DNER: variants seen among roughly 807,000 people sequenced by gnomAD.
The protein encoded by DNER is delta and Notch-like epidermal growth factor-related receptor.
In DNER, 33 loss-of-function variants were observed where a neutral mutation model predicts 78.2. That is an observed-to-expected ratio of 0.42 (90% CI 0.32 to 0.56). The LOEUF (loss-of-function observed/expected upper bound fraction) is 0.56, where lower values mean the gene tolerates loss of function less well. DNER is among the 20% of genes least tolerant of loss of function. The probability of loss-of-function intolerance (pLI) is 0.11; values close to 1 mark genes in which losing one functional copy is unlikely to be tolerated. For missense variants in DNER, 918 were observed against 975.3 expected (o/e 0.94, Z 0.78); for synonymous variants, 417 against 384.8 (o/e 1.08, Z -0.98).
Position 229,591,832 on chromosome 2 carries a change from G to A in DNER, c.333C>T (p.Ser111=). The part of the protein sequence containing the change: ...NPCHHGNCSS[S]SSSSSDGYLC... ...GGTAGCCATCGCTGCTGCTGCTGCTGCTGCTGCTGCAGTTGCCATGGTGAC... is the reference window on the plus strand; with the variant it reads ...GGTAGCCATCGCTGCTGCTGCTGCTACTGCTGCTGCAGTTGCCATGGTGAC... Residue 111 remains serine, a synonymous_variant, in exon 2 of 13, where the codon AGC becomes AGT. Coordinates refer to ENST00000341772, the MANE Select transcript of DNER (RefSeq NM_139072.4). This position sits in a 1 kb window ranked among gnomAD's most constrained non-coding sequence, Gnocchi z 4.6. 1 of 1,612,292 alleles carries A rather than the reference G, an allele frequency of 6.2e-7. No individual in the cohort carries two copies. The highest frequency in any genetic ancestry group is 2.2e-5 in the East Asian group (1 of 44,814).
intron 6 of DNER, among the ~76,000 whole-genome samples, chr2:229,510,501 T>C (rs1695844313): frequency 1.3e-5 from 2 of 151,932 alleles, no homozygotes; most frequent in African/African-American, 4.8e-5. Context: ...GTGTTGGCAG[T>C]GGGGCTACAG....
chr2:229,444,830 A>C (rs1258691935), intron 8 of DNER, among the ~76,000 whole-genome samples: 2 of 152,172 alleles, frequency 1.3e-5, no homozygotes, highest in Non-Finnish European at 2.9e-5. Flanking sequence ...CAGAGGTTGA[A>C]GCCTGGGCAA....
rs114784692 is a variant in DNER, at chr2:229,599,544, A to G, written c.277-7656T>C. ...GAATCCCTCCTTCCAAGTTATGCCA[A>G]CCAAAAACATTGCTAACATCCCCTG... On this transcript the variant is annotated intron_variant, in intron 1 of 12. Transcript: ENST00000341772. Among the ~76,000 whole-genome samples the G allele has an allele frequency of 4.6e-3, 697 of 152,232 alleles. 5 individuals are homozygous for G. The highest frequency in any genetic ancestry group is 0.016 in the African/African-American group (659 of 41,488).
chr2:229,404,948 T>C (rs1693349690), intron 10 of DNER, among the ~76,000 whole-genome samples: 1 of 151,634 alleles, frequency 6.6e-6, no homozygotes, highest in Non-Finnish European at 1.5e-5. Context: ...AAATATAACA[T>C]ATGGAAAACA....
chr2:229,561,128 C>T (rs1696951403), intron 4 of DNER, among the ~76,000 whole-genome samples: 1 of 152,164 alleles, frequency 6.6e-6, no homozygotes, highest in Admixed American at 6.5e-5. Context: ...TTCACCCACA[C>T]AGAATCTCTC....
chr2:229,590,231 C>T (rs1198161533), intron 2 of DNER, among the ~76,000 whole-genome samples: 1 of 152,092 alleles, frequency 6.6e-6, no homozygotes, highest in African/African-American at 2.4e-5. Flanking sequence ...ATGTCAACTT[C>T]TAGGAGTCTA....
chr2:229,496,791 C>A (rs1695512132), intron 6 of DNER, among the ~76,000 whole-genome samples: 1 of 151,998 alleles, frequency 6.6e-6, no homozygotes, highest in Non-Finnish European at 1.5e-5. Flanking sequence ...ACTTCAGAGC[C>A]CCTACATACA....
intron 5 of DNER, among the ~76,000 whole-genome samples, chr2:229,541,892 T>C (rs995348381): frequency 1.4e-5 from 2 of 147,352 alleles, no homozygotes; most frequent in Non-Finnish European, 3.0e-5. Flanking sequence ...TTTATATGTA[T>C]ATATAAATTA....
intron 8 of DNER, among the ~76,000 whole-genome samples, chr2:229,437,351 C>T (rs1285799806): frequency 1.3e-5 from 2 of 152,206 alleles, no homozygotes; most frequent in Non-Finnish European, 2.9e-5. Context: ...TCTGTAAAAG[C>T]ATTCAGTGAA....
intron 10 of DNER, among the ~76,000 whole-genome samples, chr2:229,389,795 T>C (rs1479837628): frequency 1.3e-5 from 2 of 152,224 alleles, no homozygotes; most frequent in African/African-American, 4.8e-5. Flanking sequence ...TACTATTTTA[T>C]TTTTAAATAA....
chr2:229,664,919 T>A (rs1699063184), intron 1 of DNER, among the ~76,000 whole-genome samples: 1 of 152,108 alleles, frequency 6.6e-6, no homozygotes, highest in Admixed American at 6.6e-5. Context: ...AAGTTACATA[T>A]AATACTTATT....
At chr2:229,413,716 G>A (rs935115273) in intron 9 of DNER, among the ~76,000 whole-genome samples, 1 of 149,732 alleles carries the variant, frequency 6.7e-6, no homozygotes, top group African/African-American at 2.5e-5. Flanking sequence ...ACATAGAGAG[G>A]GTGTTATATA....
At chr2:229,511,040 C>G (rs1574877560) in intron 6 of DNER, among the ~76,000 whole-genome samples, 3 of 152,154 alleles carry the variant, frequency 2.0e-5, no homozygotes, top group Non-Finnish European at 4.4e-5. Context: ...AAATATTAAC[C>G]TATCCCTATG....
chr2:229,693,589 G>A (rs1415535087), intron 1 of DNER, among the ~76,000 whole-genome samples: 1 of 152,136 alleles, frequency 6.6e-6, no homozygotes, highest in Non-Finnish European at 1.5e-5. Flanking sequence ...CCAGGCTGAG[G>A]TGGTCTCAGA....
intron 1 of DNER, among the ~76,000 whole-genome samples, chr2:229,614,101 A>G (rs888823147): frequency 3.3e-5 from 5 of 152,006 alleles, no homozygotes; most frequent in Admixed American, 6.6e-5. Context: ...TGGGTGCAGC[A>G]CACCAACATG....
At chr2:229,362,940 T>G (rs1692248388) in intron 12 of DNER, among the ~76,000 whole-genome samples, 1 of 152,142 alleles carries the variant, frequency 6.6e-6, no homozygotes, top group Non-Finnish European at 1.5e-5. Context: ...TGTCAGATCT[T>G]GAGAAAGGCC....
chr2:229,552,759 G>A (rs1026846268), intron 4 of DNER, among the ~76,000 whole-genome samples: 3 of 152,126 alleles, frequency 2.0e-5, no homozygotes, highest in African/African-American at 7.2e-5. Flanking sequence ...TGTGAAAACT[G>A]ACTAATACAG....
At chr2:229,513,970 A>G (rs1386337925) in intron 5 of DNER, among the ~76,000 whole-genome samples, 1 of 85,072 alleles carries the variant, frequency 1.2e-5, no homozygotes, top group African/African-American at 3.7e-5. Context: ...TCAACTCAGG[A>G]TCTCCACCCA....
At chr2:229,678,770 C>G (rs893798248) in intron 1 of DNER, among the ~76,000 whole-genome samples, 2 of 152,142 alleles carry the variant, frequency 1.3e-5, no homozygotes, top group Admixed American at 6.6e-5. Flanking sequence ...GGGCAGTATA[C>G]CGTCACATGA....
Sources: allele counts gnomAD v4.1 joint callset (sites outside exome capture counted in the v4.1 genomes callset), GRCh38; gene constraint gnomAD v4.1.1; non-coding constraint Gnocchi (gnomAD v3.1); transcripts MANE v1.5; gene names NCBI Gene and HGNC (gene_info 2026-07-23, HGNC 2026-07-21).